ATP2C1: variants seen among roughly 807,000 people sequenced by gnomAD.
ATP2C1 encodes calcium-transporting ATPase type 2C member 1.
In ATP2C1, 31 loss-of-function variants were observed where a neutral mutation model predicts 120.5. The observed-to-expected ratio is 0.26, with a 90% confidence interval of 0.19 to 0.35. ATP2C1 has a LOEUF of 0.35. Among genes scored for constraint, ATP2C1 ranks in the 10% least tolerant of loss-of-function variants. ATP2C1 has a pLI of 1.00. For synonymous variants in ATP2C1, 351 were observed against 358.7 expected (o/e 0.98, Z 0.24); for missense variants, 731 against 1,107.5 (o/e 0.66, Z 4.83).
chr3:130,975,989 C>T (rs564487900), intron 18 of ATP2C1, among the ~76,000 whole-genome samples: 2 of 152,202 alleles, frequency 1.3e-5, no homozygotes, highest in Admixed American at 1.3e-4. Context: ...GCTGGACACA[C>T]ACACATTAGG....
rs564955371 is a variant in ATP2C1 at position 130,879,739 on chromosome 3, A to G, written c.108+28811A>G. ...GATGTATTCATAATGTAAGTTGGGT[A>G]GAGTGCTTTGGCTTTCATTCTGGGT... is the stretch of plus-strand genomic sequence containing the variant. On this transcript the variant is annotated intron_variant, in intron 1 of 26. Transcript: ENST00000504381. Among the ~76,000 whole-genome samples the G allele has an allele frequency of 9.8e-5, 15 of 152,288 alleles. No individual in the cohort carries two copies. The South Asian group carries it at 3.1e-3, about 32-fold the overall frequency.
chr3:130,916,166 G>A (rs780953173), intron 2 of ATP2C1, among the ~76,000 whole-genome samples: 2 of 151,944 alleles, frequency 1.3e-5, no homozygotes, highest in Non-Finnish European at 2.9e-5. Flanking sequence ...AGCACTTTGG[G>A]AGGCTGAGGT....
intron 18 of ATP2C1, among the ~76,000 whole-genome samples, chr3:130,975,729 T>C (rs2061506919): frequency 6.6e-6 from 1 of 152,242 alleles, no homozygotes; most frequent in African/African-American, 2.4e-5. Flanking sequence ...GAGTAGCTGA[T>C]AGAAATTTTA....
intron 1 of ATP2C1, among the ~76,000 whole-genome samples, chr3:130,855,356 T>C (rs2067802528): frequency 6.6e-6 from 1 of 152,124 alleles, no homozygotes; most frequent in South Asian, 2.1e-4. Flanking sequence ...ATTAATGTAA[T>C]TGAATGGAAA....
intron 2 of ATP2C1, among the ~76,000 whole-genome samples, chr3:130,929,225 C>T (rs988434486): frequency 6.6e-6 from 1 of 152,070 alleles, no homozygotes; most frequent in Non-Finnish European, 1.5e-5. Context: ...AGTATTTAAA[C>T]GTCCAACTGT....
intron 20 of ATP2C1, among the ~76,000 whole-genome samples, chr3:130,983,397 C>T (rs980396288): frequency 6.6e-6 from 1 of 152,210 alleles, no homozygotes; most frequent in African/African-American, 2.4e-5. Flanking sequence ...TCTCTACCCT[C>T]TACTCTTACA....
At chr3:130,862,301 A>G (rs968904207) in intron 1 of ATP2C1, among the ~76,000 whole-genome samples, 1 of 147,326 alleles carries the variant, frequency 6.8e-6, no homozygotes, top group South Asian at 2.2e-4. Flanking sequence ...TATTTATTAT[A>G]CTTACTTATT....
rs886057980 is a variant in ATP2C1, at chr3:130,894,706, A to G, written c.-64A>G. On this transcript the variant is annotated 5_prime_UTR_variant, in exon 2 of 28. Transcript: ENST00000510168. This position sits in a 1 kb window ranked among gnomAD's most constrained non-coding sequence, Gnocchi z 4.5. ...TCCTCCTCCTCTCCTCTCTATTCCCAGTGTGGCCGTGGCTGACACTAAAGA... is the reference window on the plus strand; with the variant it reads ...TCCTCCTCCTCTCCTCTCTATTCCCGGTGTGGCCGTGGCTGACACTAAAGA... 3.1e-6 allele frequency: 5 copies of G among 1,614,008 alleles called. No homozygotes were observed. The highest frequency in any genetic ancestry group is 4.2e-6 in the Non-Finnish European group (5 of 1,179,988).
intron 18 of ATP2C1, among the ~76,000 whole-genome samples, chr3:130,976,039 T>C (rs968644570): frequency 2.6e-5 from 4 of 151,950 alleles, no homozygotes; most frequent in Admixed American, 2.0e-4. Context: ...ACTCGGGGGT[T>C]GGTGGTTGGT....
At chr3:130,999,105 T>G (rs1463803074) in intron 26 of ATP2C1, among the ~76,000 whole-genome samples, 2 of 152,186 alleles carry the variant, frequency 1.3e-5, no homozygotes, top group Admixed American at 1.3e-4. Flanking sequence ...TATTTTTTTA[T>G]GAAAAGTGGT....
chr3:130,911,084 C>G lies in ATP2C1; in HGVS notation c.6+16309C>G, dbSNP rs900847963. ...CTGTGAATCCATCTGGTCCTGGACTCCTTTTGGTTGGTAAACTATTGATTA... is the reference window on the plus strand; with the variant it reads ...CTGTGAATCCATCTGGTCCTGGACTGCTTTTGGTTGGTAAACTATTGATTA... On this transcript the variant is annotated intron_variant, in intron 2 of 27. Coordinates refer to ENST00000510168, the MANE Select transcript of ATP2C1 (RefSeq NM_001378687.1). 4.7e-4 allele frequency among the ~76,000 whole-genome samples: 71 copies of G among 151,696 alleles called. 1 individual carries two copies. Among genetic ancestry groups the G allele is most frequent in the African/African-American group, 1.6e-3 (64 of 41,178 alleles).
chr3:130,872,935 G>T (rs2068483062), intron 1 of ATP2C1, among the ~76,000 whole-genome samples: 1 of 151,960 alleles, frequency 6.6e-6, no homozygotes, highest in Non-Finnish European at 1.5e-5. Flanking sequence ...TCTAGAAGAG[G>T]GTCTGCTTGG....
chr3:130,962,407 G>A (rs145584059), intron 12 of ATP2C1, among the ~76,000 whole-genome samples: 25 of 151,948 alleles, frequency 1.6e-4, no homozygotes, highest in African/African-American at 5.8e-4. Flanking sequence ...ATAAGCTAGC[G>A]CCTGTTAGAA....
At position 131,001,508 on chromosome 3, in the gene ATP2C1, C is replaced by T; in HGVS notation, c.*158C>T. 7.6e-7 allele frequency: 1 copy of T among 1,315,440 alleles called. No individual in the cohort carries two copies. The allele number at this position is 1,315,440 out of a possible 1,614,324, so 81.5% of individuals were successfully genotyped here. On this transcript the variant is annotated 3_prime_UTR_variant, in exon 28 of 28. Transcript: ENST00000510168. Reference sequence around the variant, plus strand: ...AAGACTTAAGACTTTAACCTGCTGGCAGTCCCAAATGAAATTATGCAACTT... The same window carrying T: ...AAGACTTAAGACTTTAACCTGCTGGTAGTCCCAAATGAAATTATGCAACTT...
At chr3:130,971,339 A>T (rs924217665) in intron 17 of ATP2C1, among the ~76,000 whole-genome samples, 7 of 152,210 alleles carry the variant, frequency 4.6e-5, no homozygotes, top group African/African-American at 1.7e-4. Flanking sequence ...ACATTTGATT[A>T]TTCTTCACAC....
Position 130,894,149 on chromosome 3 carries a change from T to TGCCCCA in ATP2C1, c.-369_-368insGCCCCA. On this transcript the variant is annotated 5_prime_UTR_variant, in exon 1 of 28. Transcript: ENST00000510168. The surrounding 1 kb of genome is among the most constrained non-coding windows in gnomAD (Gnocchi z 4.5). ...ACGGGTCCCCTCACCTCCTCTTCTC[T>TGCCCCA]CCCCTCCCCGCCCGCCCTCTCTCCC... 5 of 694,852 alleles carry TGCCCCA rather than the reference T, an allele frequency of 7.2e-6. No individual in the cohort carries two copies. The highest frequency in any genetic ancestry group is 8.8e-6 in the Non-Finnish European group (5 of 565,206). The allele number at this position is 694,852 out of a possible 1,614,324, so 43.0% of individuals were successfully genotyped here. A position where few individuals can be genotyped will look rare whatever the true frequency, so the allele number is the denominator to read the frequency against.
chr3:130,907,448 A>T (rs865843561), intron 2 of ATP2C1, among the ~76,000 whole-genome samples: 2 of 152,188 alleles, frequency 1.3e-5, no homozygotes, highest in African/African-American at 4.8e-5. Flanking sequence ...ATTTTTGCAT[A>T]TGATGTGACA....
At chr3:130,964,523 C>T (rs2060968414) in intron 13 of ATP2C1, among the ~76,000 whole-genome samples, 2 of 151,924 alleles carry the variant, frequency 1.3e-5, no homozygotes, top group Admixed American at 1.3e-4. Flanking sequence ...CTTTGAAACT[C>T]CAAAAATGTA....
intron 26 of ATP2C1, among the ~76,000 whole-genome samples, chr3:131,008,423 CAAAAAAAA>C (rs747486056): frequency 1.1e-5 from 1 of 86,984 alleles, no homozygotes; most frequent in South Asian, 3.5e-4. Flanking sequence ...AAGACTGTCT[CAAAAAAAA>C]AAAAAAAAAG....
Sources: allele counts gnomAD v4.1 joint callset (sites outside exome capture counted in the v4.1 genomes callset), GRCh38; gene constraint gnomAD v4.1.1; non-coding constraint Gnocchi (gnomAD v3.1); transcripts MANE v1.5; gene names NCBI Gene and HGNC (gene_info 2026-07-23, HGNC 2026-07-21).